TBCE: variants seen among roughly 807,000 people sequenced by gnomAD.
TBCE encodes the protein tubulin-specific chaperone E.
A neutral mutation model predicts 77.0 loss-of-function variants in TBCE; 53 were observed. That is an observed-to-expected ratio of 0.69 (90% CI 0.55 to 0.87). The LOEUF (loss-of-function observed/expected upper bound fraction) is 0.87, where lower values mean the gene tolerates loss of function less well. Among genes scored for constraint, TBCE ranks in the 40% least tolerant of loss-of-function variants. The pLI is 0.00. For missense variants in TBCE, 624 were observed against 622.4 expected, an observed-to-expected ratio of 1.00 and a Z score of -0.03; for synonymous variants, 235 against 241.3, an observed-to-expected ratio of 0.97 and a Z score of 0.24.
chr1:235,442,034 G>T (rs1327478167), intron 14 of TBCE, 152 bp downstream of exon 14: 30 of 602,414 alleles, frequency 5.0e-5, no homozygotes, highest in Non-Finnish European at 8.0e-5. Context: ...TTGAGACAGA[G>T]TCTCCCTCTG....
intron 15 of TBCE, among the ~76,000 whole-genome samples, chr1:235,444,220 C>A (rs1040371189): frequency 6.6e-6 from 1 of 152,144 alleles, no homozygotes; most frequent in Non-Finnish European, 1.5e-5. Context: ...TTTACCACAA[C>A]GTCTCCATTT....
intron 1 of TBCE, among the ~76,000 whole-genome samples, chr1:235,369,941 C>T (rs564773932): frequency 2.6e-5 from 4 of 152,180 alleles, no homozygotes; most frequent in South Asian, 2.1e-4. Context: ...CTCCTGTTTG[C>T]TCTACTGTAT....
intron 5 of TBCE, among the ~76,000 whole-genome samples, chr1:235,424,630 C>T (rs1034922164): frequency 2.3e-4 from 35 of 151,856 alleles, no homozygotes; most frequent in Non-Finnish European, 7.4e-5. Flanking sequence ...CTCAGCTTCC[C>T]GAGTAGCTGG....
rs1173085335 is a variant in TBCE at position 235,371,113 on chromosome 1, A to G, written c.-32+3609A>G. 7.6e-5 allele frequency among the ~76,000 whole-genome samples: 9 copies of G among 118,894 alleles called. No homozygotes were observed. In the South Asian group the frequency reaches 1.6e-3, roughly 22 times the overall value. The allele number at this position is 118,894 out of a possible 152,430, so 78.0% of individuals were successfully genotyped here. A position where few individuals can be genotyped will look rare whatever the true frequency, so the allele number is the denominator to read the frequency against. On this transcript the variant is annotated intron_variant, in intron 1 of 16. Transcript: ENST00000642610. The stretch of plus-strand genomic sequence containing the variant: ...CTCTTGCTGCCCAGGCTAGAGTGCA[A>G]TTGCATGATCTTGGCTCACCGCAAC...
At chr1:235,433,071 C>A in intron 7 of TBCE, 1 of 1,553,296 alleles carries the variant, frequency 6.4e-7, no homozygotes, top group Non-Finnish European at 8.6e-7. Context: ...CCAAGGACCA[C>A]ACATCCATGC....
intron 4 of TBCE, chr1:235,418,509 A>G (rs1274168332): frequency 6.6e-6 from 1 of 152,236 alleles, no homozygotes; most frequent in Non-Finnish European, 1.5e-5. Context: ...TGCCGGAAGT[A>G]TCTGGTCATG....
In TBCE at chr1:235,430,626, A is replaced by G. The variant is rs1463181754; in HGVS notation, c.561-79A>G. The G allele has an allele frequency of 1.6e-5, 16 of 997,350 alleles. No individual in the cohort carries two copies. The East Asian group carries it at 4.2e-4, about 26-fold the overall frequency. 61.8% of individuals were successfully genotyped at this position (997,350 alleles called of 1,614,324 possible). A position where few individuals can be genotyped will look rare whatever the true frequency, so the allele number is the denominator to read the frequency against. The stretch of plus-strand genomic sequence containing the variant: ...AATCAAACCCCTTAGATTAAAACCC[A>G]GATTGTTGCTTTCAACAACTATTTC... On this transcript the variant is annotated intron_variant, in intron 6 of 16. Transcript: ENST00000642610.
intron 9 of TBCE, chr1:235,436,093 A>G: frequency 3.3e-6 from 2 of 603,006 alleles, no homozygotes; most frequent in Admixed American, 3.0e-5. Flanking sequence ...TAATGCGGAA[A>G]GTCTTCATTC....
At position 235,427,184 on chromosome 1, in the gene TBCE, G is replaced by T. The variant is rs141561791; in HGVS notation, c.505G>T (p.Asp169Tyr). 1 of 1,614,056 alleles carries T rather than the reference G, an allele frequency of 6.2e-7. No individual in the cohort carries two copies. Among genetic ancestry groups the T allele is most frequent in the Non-Finnish European group, 8.5e-7 (1 of 1,179,988 alleles). Residue 169 changes from aspartate (D) to tyrosine (Y), a missense_variant, in exon 6 of 17, where the codon GAT becomes TAT. Coordinates refer to ENST00000642610, the MANE Select transcript of TBCE (RefSeq NM_003193.5). ...DLSKNLLSSW[D>Y]EVIHIADQLR... ...GTCAAAAAACCTGTTGTCATCATGG[G>T]ATGAAGTGATACACATTGCTGATCA...
At chr1:235,387,504 T>G (rs902791107) in intron 2 of TBCE, among the ~76,000 whole-genome samples, 1 of 152,170 alleles carries the variant, frequency 6.6e-6, no homozygotes, top group Non-Finnish European at 1.5e-5. Flanking sequence ...TGGGCAATGG[T>G]GGGCACCCCT....
intron 3 of TBCE, among the ~76,000 whole-genome samples, chr1:235,403,694 A>G (rs1035795610): frequency 1.3e-5 from 2 of 152,198 alleles, no homozygotes; most frequent in South Asian, 4.1e-4. Context: ...TTTGTCCTGA[A>G]ATGCTAATGG....
intron 13 of TBCE, among the ~76,000 whole-genome samples, chr1:235,440,381 G>C (rs1028372346): frequency 8.6e-5 from 13 of 152,004 alleles, no homozygotes; most frequent in African/African-American, 2.9e-4. Flanking sequence ...GTTTATGTCT[G>C]AGGCATCCGT....
At chr1:235,394,418 CTTTTTTTT>C (rs386370043) in intron 2 of TBCE, among the ~76,000 whole-genome samples, 6 of 72,314 alleles carry the variant, frequency 8.3e-5, no homozygotes, top group African/African-American at 1.1e-4. Context: ...TTGATAATTT[CTTTTTTTT>C]TTTTTTTTTT....
intron 1 of TBCE, among the ~76,000 whole-genome samples, chr1:235,371,037 G>GC (rs1558339733): frequency 1.8e-4 from 7 of 39,650 alleles, no homozygotes; most frequent in East Asian, 1.6e-3. Flanking sequence ...ATCACGCCTG[G>GC]CTTTTTTTTT....
chr1:235,378,392 T>C (rs1677424173), intron 1 of TBCE, among the ~76,000 whole-genome samples: 2 of 67,486 alleles, frequency 3.0e-5, no homozygotes, highest in South Asian at 6.3e-4. Flanking sequence ...GGCTAATTTT[T>C]GTATTTTTTT....
chr1:235,445,480 A>G (rs571745750), intron 15 of TBCE, among the ~76,000 whole-genome samples: 78 of 152,186 alleles, frequency 5.1e-4, no homozygotes, highest in South Asian at 3.1e-3. Context: ...ATAAATAAAT[A>G]CAAAAATTAG....
At chr1:235,417,222 C>G (rs1195004701) in intron 4 of TBCE, among the ~76,000 whole-genome samples, 1 of 152,112 alleles carries the variant, frequency 6.6e-6, no homozygotes, top group African/African-American at 2.4e-5. Context: ...GATCTGAGTC[C>G]TCATGCTTAG....
intron 2 of TBCE, among the ~76,000 whole-genome samples, chr1:235,393,832 T>G (rs1165835602): frequency 1.3e-5 from 2 of 152,164 alleles, no homozygotes; most frequent in African/African-American, 4.8e-5. Context: ...TGTTTTCATG[T>G]TCTGGGAGTG....
At position 235,438,925 on chromosome 1, in the gene TBCE, A is replaced by G. The variant is rs1361852475; in HGVS notation, c.1270+3A>G. 7 of 1,614,058 alleles carry G rather than the reference A, an allele frequency of 4.3e-6. No homozygotes were observed. In the African/African-American group the frequency reaches 9.3e-5, roughly 22 times the overall value. ...CAGATACCAGTTCCTCTGCCTGAGT[A>G]CGTGCGTATACACTGGTGGCCTTCA... On this transcript the variant is annotated splice_donor_region_variant and intron_variant, in intron 13 of 16. Coordinates refer to ENST00000642610, the MANE Select transcript of TBCE (RefSeq NM_003193.5).
Sources: allele counts gnomAD v4.1 joint callset (sites outside exome capture counted in the v4.1 genomes callset), GRCh38; gene constraint gnomAD v4.1.1; transcripts MANE v1.5; gene names NCBI Gene and HGNC (gene_info 2026-07-23, HGNC 2026-07-21).